The following GPR179 variants were observed in gnomAD, a reference collection of about 807,000 sequenced individuals.
GPR179 encodes G protein-coupled receptor 179.
In GPR179, 52 loss-of-function variants were observed where a neutral mutation model predicts 70.8. That is an observed-to-expected ratio of 0.73 (90% CI 0.59 to 0.93). The LOEUF is 0.93. GPR179 is among the 40% of genes least tolerant of loss of function. The probability of loss-of-function intolerance (pLI) is 0.00; values close to 1 mark genes in which losing one functional copy is unlikely to be tolerated. For synonymous variants in GPR179, 1,123 were observed against 1,169.0 expected, an observed-to-expected ratio of 0.96 and a Z score of 0.80; for missense variants, 2,734 against 2,966.8, an observed-to-expected ratio of 0.92 and a Z score of 1.82.
At position 38,343,817 on chromosome 17, in the gene GPR179, G is replaced by T. The variant is rs2037474430; in HGVS notation, c.-28C>A. 1.4e-6 allele frequency: 2 copies of T among 1,468,400 alleles called. No homozygotes were observed. The highest frequency in any genetic ancestry group is 1.8e-6 in the Non-Finnish European group (2 of 1,113,426). The allele number at this position is 1,468,400 out of a possible 1,614,324, so 91.0% of individuals were successfully genotyped here. ...TTGGGGCAGCTCTCAGGACCCTGGG[G>T]TCCAGGCTCAGGAGAGCCCAGGCAG... On this transcript the variant is annotated 5_prime_UTR_variant, in exon 1 of 11. Coordinates refer to ENST00000616987, the MANE Select transcript of GPR179 (RefSeq NM_001004334.4). This position sits in a 1 kb window ranked among gnomAD's most constrained non-coding sequence, Gnocchi z 4.2.
chr17:38,327,400 C>G lies in GPR179; in HGVS notation c.6169G>C (p.Val2057Leu), dbSNP rs762962801. The G allele has an allele frequency of 1.2e-6, 2 of 1,614,220 alleles. No homozygotes were observed. The highest frequency in any genetic ancestry group is 1.3e-5 in the African/African-American group (1 of 75,046). ...ATCTCTGGCTTTTTCTGAACTGGCA[C>G]ACCTTTTGGCTCTGATTTTTCTGGG... ...RAPEKSEPKGVPVQKKPEMAD... is the reference protein window; with the variant it reads ...RAPEKSEPKGLPVQKKPEMAD... The change falls in exon 11 of 11, where the codon GTG becomes CTG. Residue 2057 changes from valine to leucine, a missense_variant. By Grantham distance (32) the Val-to-Leu change is conservative. Transcript: ENST00000616987.
In GPR179 at chr17:38,330,751, G is replaced by T; in HGVS notation, c.2818C>A (p.Pro940Thr). The T allele has an allele frequency of 6.3e-7, 1 of 1,588,908 alleles. No homozygotes were observed. Reference protein sequence around the residue: ...HPPIRHQVSTPILALSGGLGE... With the variant: ...HPPIRHQVSTTILALSGGLGE... ...AGGCCCCCAGACAGGGCCAAGATGG[G>T]GGTAGAAACCTGGTGCCTGATGGGT... Residue 940 changes from proline to threonine, a missense_variant, in exon 11 of 11, where the codon CCC becomes ACC. By Grantham distance (38) the Pro-to-Thr change is conservative. Coordinates refer to ENST00000616987, the MANE Select transcript of GPR179 (RefSeq NM_001004334.4).
intron 3 of GPR179, among the ~76,000 whole-genome samples, 171 bp downstream of exon 3, chr17:38,337,462 A>T (rs1024202481): frequency 1.3e-5 from 2 of 152,144 alleles, no homozygotes; most frequent in Non-Finnish European, 2.9e-5. Context: ...GAAGGTGTAG[A>T]CACCCCCACA....
chr17:38,329,203 C>A lies in GPR179; in HGVS notation c.4366G>T (p.Gly1456Cys), dbSNP rs755963388. Residue 1456 changes from glycine (G) to cysteine (C), a missense_variant, in exon 11 of 11, where the codon GGC becomes TGC. Gly to Cys is a radical substitution (Grantham distance 159). Coordinates refer to ENST00000616987, the MANE Select transcript of GPR179 (RefSeq NM_001004334.4). ...PGSSECSGSL[G>C]SGIAEVCLWE... ...AGACACACTTCAGCAATGCCACTGC[C>A]CAAACTCCCTGAACACTCTGAGCTT... 14 of 1,613,884 alleles carry A rather than the reference C, an allele frequency of 8.7e-6. No homozygotes were observed. The highest frequency in any genetic ancestry group is 2.7e-5 in the African/African-American group (2 of 74,890).
At position 38,343,025 on chromosome 17, in the gene GPR179, T is replaced by A; in HGVS notation, c.765A>T (p.Gly255=). 6.2e-7 allele frequency: 1 copy of A among 1,611,912 alleles called. No individual in the cohort carries two copies. Among genetic ancestry groups the A allele is most frequent in the Non-Finnish European group, 8.5e-7 (1 of 1,178,830 alleles). The change falls in exon 1 of 11, where the codon GGA becomes GGT. Residue 255 remains glycine, a synonymous_variant. Transcript: ENST00000616987. This position sits in a 1 kb window ranked among gnomAD's most constrained non-coding sequence, Gnocchi z 4.2. ...CTTCTGGGCTGAGGTCTGGCTTGAG[T>A]CCATAGAAGGTGGCAGAGAGTGTGA... ...WLITLSATFY[G]LKPDLSPEVR...
rs762012324 is a variant in GPR179 at position 38,329,459 on chromosome 17, A to G, written c.4110T>C (p.Ala1370=). 1.9e-6 allele frequency: 3 copies of G among 1,613,682 alleles called. No homozygotes were observed. Among genetic ancestry groups the G allele is most frequent in the Non-Finnish European group, 2.5e-6 (3 of 1,179,946 alleles). The change falls in exon 11 of 11, where the codon GCT becomes GCC. Residue 1370 remains alanine, a synonymous_variant. Transcript: ENST00000616987. Reference sequence around the variant, plus strand: ...CTGCCTTGGTGATGTCAGGGGTATGAGCTTCTGGGCCAGCAGCTTCCCACC... The same window carrying G: ...CTGCCTTGGTGATGTCAGGGGTATGGGCTTCTGGGCCAGCAGCTTCCCACC... ...KPGWEAAGPE[A]HTPDITKAEP... is the part of the protein sequence containing the mutation.
chr17:38,334,932 C>G lies in GPR179; in HGVS notation c.1646-90G>C. 4 of 1,594,510 alleles carry G rather than the reference C, an allele frequency of 2.5e-6. No individual in the cohort carries two copies. Among genetic ancestry groups the G allele is most frequent in the Non-Finnish European group, 3.4e-6 (4 of 1,166,360 alleles). On this transcript the variant is annotated intron_variant, in intron 7 of 10. Transcript: ENST00000616987. The surrounding 1 kb of genome is among the most constrained non-coding windows in gnomAD (Gnocchi z 4.7). ...AAAGATGTGCTGGGGGGAGCCTGGG[C>G]TCGGGGTCTGGGGACAAGTCAGGAG... is the stretch of plus-strand genomic sequence containing the variant.
chr17:38,338,311 G>A (rs902646006), intron 2 of GPR179, among the ~76,000 whole-genome samples: 42 of 152,352 alleles, frequency 2.8e-4, no homozygotes, highest in African/African-American at 9.6e-4. Context: ...GCCCGGCAGG[G>A]GACAGAGCAG....
In GPR179 at chr17:38,334,931, G is replaced by T; in HGVS notation, c.1646-89C>A. 6.3e-7 allele frequency: 1 copy of T among 1,594,132 alleles called. No homozygotes were observed. Among genetic ancestry groups the T allele is most frequent in the South Asian group, 1.1e-5 (1 of 90,136 alleles). ...GAAAGATGTGCTGGGGGGAGCCTGG[G>T]CTCGGGGTCTGGGGACAAGTCAGGA... On this transcript the variant is annotated intron_variant, in intron 7 of 10. Transcript: ENST00000616987. The surrounding 1 kb of genome is among the most constrained non-coding windows in gnomAD (Gnocchi z 4.7).
intron 1 of GPR179, 31 bp from the exon 2 acceptor site, chr17:38,339,556 A>T: frequency 6.7e-7 from 1 of 1,487,388 alleles, no homozygotes; most frequent in Non-Finnish European, 9.4e-7. Context: ...TTAGGGGCAC[A>T]GTGATTGATG....
In GPR179 at chr17:38,334,795, G is replaced by T. The variant is rs549676992; in HGVS notation, c.1693C>A (p.Arg565=). ...TCATGGAAGGCCGAGAGCACAGCCC[G>T]TGTGGCGTAGCAGAGGAAGCTGCCC... ...CWGSFLCYAT[R]AVLSAFHEPR... is the part of the protein sequence containing the mutation. The change falls in exon 8 of 11, where the codon CGG becomes AGG. Residue 565 remains arginine (R), a synonymous_variant. Transcript: ENST00000616987. The surrounding 1 kb of genome is among the most constrained non-coding windows in gnomAD (Gnocchi z 4.7). The T allele has an allele frequency of 5.0e-6, 8 of 1,613,302 alleles. No individual in the cohort carries two copies. The highest frequency in any genetic ancestry group is 1.7e-4 in the Middle Eastern group (1 of 6,050).
chr17:38,338,437 G>A (rs1285395591), intron 2 of GPR179, among the ~76,000 whole-genome samples: 1 of 152,158 alleles, frequency 6.6e-6, no homozygotes, highest in Admixed American at 6.6e-5. Context: ...ATTCTATATC[G>A]AGCCCCTGAC....
intron 1 of GPR179, 38 bp downstream of exon 1, chr17:38,342,958 C>G (rs1189339435): frequency 6.5e-7 from 1 of 1,545,230 alleles, no homozygotes; most frequent in Non-Finnish European, 8.7e-7. Flanking sequence ...TCCCCTACAT[C>G]CCCACACATG....
chr17:38,338,017 G>T lies in GPR179; in HGVS notation c.904-297C>A, dbSNP rs545075813. ...AGCCTCATAGGACCCATTTCCTAGT[G>T]GCCAGCTCTTGCTAGGGCAAGGTAC... On this transcript the variant is annotated intron_variant, in intron 2 of 10. Coordinates refer to ENST00000616987, the MANE Select transcript of GPR179 (RefSeq NM_001004334.4). Among the ~76,000 whole-genome samples, 12 of 152,346 alleles carry T rather than the reference G, an allele frequency of 7.9e-5. 1 individual carries two copies. In the South Asian group the frequency reaches 2.3e-3, roughly 29 times the overall value.
chr17:38,336,553 TCA>T (rs1327901750), intron 4 of GPR179, among the ~76,000 whole-genome samples: 3 of 152,184 alleles, frequency 2.0e-5, no homozygotes, highest in Non-Finnish European at 4.4e-5. Flanking sequence ...CTGGCTCATG[TCA>T]CATCCAGAAA....
chr17:38,329,907 C>A lies in GPR179; in HGVS notation c.3662G>T (p.Gly1221Val). 6.2e-7 allele frequency: 1 copy of A among 1,614,168 alleles called. No individual in the cohort carries two copies. The highest frequency in any genetic ancestry group is 1.1e-5 in the South Asian group (1 of 91,082). Residue 1221 changes from glycine (G) to valine (V), a missense_variant, in exon 11 of 11, where the codon GGG becomes GTG. Gly to Val is a moderately radical substitution (Grantham distance 109, BLOSUM62 -3). Coordinates refer to ENST00000616987, the MANE Select transcript of GPR179 (RefSeq NM_001004334.4). ...NIKQSKETPVGWQELPKAGLQ... is the reference protein window; with the variant it reads ...NIKQSKETPVVWQELPKAGLQ... ...GCCAGCTTTGGGCAGTTCCTGCCAC[C>A]CGACAGGGGTTTCTTTTGATTGCTT...
In GPR179 at chr17:38,327,067, G is replaced by A; in HGVS notation, c.6502C>T (p.His2168Tyr). 1 of 1,614,214 alleles carries A rather than the reference G, an allele frequency of 6.2e-7. No individual in the cohort carries two copies. The highest frequency in any genetic ancestry group is 8.5e-7 in the Non-Finnish European group (1 of 1,180,048). The change falls in exon 11 of 11, where the codon CAC (histidine) becomes TAC (tyrosine). Residue 2168 changes from histidine to tyrosine, a missense_variant. Coordinates refer to ENST00000616987, the MANE Select transcript of GPR179 (RefSeq NM_001004334.4). ...QKAGPGGTEE[H>Y]FSKAAAKPRE... is the part of the protein sequence containing the mutation. ...GGCTTTGCTGCTGCTTTTGAGAAGT[G>A]TTCTTCCGTCCCTCCAGGTCCTGCC...
rs1236206381 is a variant in GPR179, at chr17:38,336,131, G to T, written c.1241C>A (p.Ser414Tyr). The change falls in exon 5 of 11, where the codon TCT (serine) becomes TAT (tyrosine). Residue 414 changes from serine to tyrosine, a missense_variant. Ser to Tyr is a moderately radical substitution (Grantham distance 144). Transcript: ENST00000616987. ...RCRRNKRIWA[S>Y]GVVLLETVLF... is the part of the protein sequence containing the mutation. The stretch of plus-strand genomic sequence containing the variant: ...GACAGTTTCCAGCAGGACCACTCCA[G>T]ATGCCCAGATCCTCTGTGAAGCAAG... 1 of 1,611,980 alleles carries T rather than the reference G, an allele frequency of 6.2e-7. No individual in the cohort carries two copies. Among genetic ancestry groups the T allele is most frequent in the East Asian group, 2.2e-5 (1 of 44,876 alleles).
At chr17:38,336,738 G>A (rs1008537385) in intron 4 of GPR179, among the ~76,000 whole-genome samples, 4 of 152,200 alleles carry the variant, frequency 2.6e-5, no homozygotes, top group African/African-American at 4.8e-5. Flanking sequence ...TTGAGCCTAG[G>A]CAGTGTTTTG....
Sources: gnomAD v4.1 joint callset for allele counts (sites outside exome capture counted in the v4.1 genomes callset) on GRCh38, gnomAD v4.1.1 for gene constraint, Gnocchi (gnomAD v3.1) non-coding constraint, MANE v1.5 for transcripts, NCBI Gene and HGNC (gene_info 2026-07-23, HGNC 2026-07-21) for gene names.